PAPPA2: variants seen among roughly 807,000 people sequenced by gnomAD.
PAPPA2 encodes the protein pappalysin 2, also known as pappalysin-2.
PAPPA2 carries 86 observed loss-of-function variants against 176.4 expected under a neutral mutation model. The observed-to-expected ratio is 0.49, with a 90% confidence interval of 0.41 to 0.58. The LOEUF (loss-of-function observed/expected upper bound fraction) is 0.58, where lower values mean the gene tolerates loss of function less well. PAPPA2 is among the 20% of genes least tolerant of loss of function. The probability of loss-of-function intolerance (pLI) is 0.00; values close to 1 mark genes in which losing one functional copy is unlikely to be tolerated. For synonymous variants in PAPPA2, 809 were observed against 852.2 expected, an observed-to-expected ratio of 0.95 and a Z score of 0.88; for missense variants, 2,073 against 2,256.9, an observed-to-expected ratio of 0.92 and a Z score of 1.65.
chr1:176,570,265 G>A (rs1174360368), intron 2 of PAPPA2, among the ~76,000 whole-genome samples: 2 of 152,108 alleles, frequency 1.3e-5, no homozygotes, highest in Non-Finnish European at 2.9e-5. Context: ...CCGGCCCTTT[G>A]AAAATCTGGA....
At chr1:176,760,628 G>T (rs1396472014) in intron 14 of PAPPA2, among the ~76,000 whole-genome samples, 1 of 152,150 alleles carries the variant, frequency 6.6e-6, no homozygotes, top group East Asian at 1.9e-4. Context: ...ACTCTTAGAG[G>T]CTTCCCAAGT....
chr1:176,817,547 A>C (rs1666453153), intron 21 of PAPPA2, among the ~76,000 whole-genome samples: 1 of 152,162 alleles, frequency 6.6e-6, no homozygotes, highest in Admixed American at 6.6e-5. Context: ...TCCGTATTTC[A>C]AGAGAGAAAT....
chr1:176,733,814 T>C (rs1265441973), intron 12 of PAPPA2, among the ~76,000 whole-genome samples: 1 of 152,042 alleles, frequency 6.6e-6, no homozygotes, highest in Non-Finnish European at 1.5e-5. Context: ...GCAAGATCTG[T>C]GGAGGAGTGA....
intron 1 of PAPPA2, among the ~76,000 whole-genome samples, chr1:176,544,702 G>T (rs1650537738): frequency 6.6e-6 from 1 of 152,096 alleles, no homozygotes; most frequent in African/African-American, 2.4e-5. Context: ...AGTCCCACAA[G>T]ATTGCTCTCC....
intron 21 of PAPPA2, among the ~76,000 whole-genome samples, chr1:176,831,132 G>C (rs985722086): frequency 6.6e-6 from 1 of 152,176 alleles, no homozygotes; most frequent in Admixed American, 6.5e-5. Context: ...TGGTGCAGAA[G>C]GGTCAAGGAG....
intron 12 of PAPPA2, among the ~76,000 whole-genome samples, chr1:176,729,122 T>G (rs888369765): frequency 6.6e-6 from 1 of 152,052 alleles, no homozygotes; most frequent in African/African-American, 2.4e-5. Flanking sequence ...TTTATACTTT[T>G]GCCTGTCAAA....
intron 2 of PAPPA2, among the ~76,000 whole-genome samples, chr1:176,558,384 C>T (rs1461683456): frequency 6.6e-6 from 1 of 152,164 alleles, no homozygotes; most frequent in Non-Finnish European, 1.5e-5. Flanking sequence ...TGGATGCCTG[C>T]AAAGTTTCAG....
At chr1:176,765,012 G>A (rs1021897406) in intron 14 of PAPPA2, among the ~76,000 whole-genome samples, 4 of 152,216 alleles carry the variant, frequency 2.6e-5, no homozygotes, top group African/African-American at 9.7e-5. Context: ...GCATAAGTTA[G>A]GCATGGGACA....
intron 3 of PAPPA2, among the ~76,000 whole-genome samples, chr1:176,652,153 T>C (rs1657761256): frequency 6.6e-6 from 1 of 151,568 alleles, no homozygotes; most frequent in African/African-American, 2.4e-5. Context: ...ACTGGTTCTT[T>C]GTTTTGTTCA....
At chr1:176,743,016 C>G (rs1051128474) in intron 14 of PAPPA2, among the ~76,000 whole-genome samples, 3 of 152,062 alleles carry the variant, frequency 2.0e-5, no homozygotes, top group African/African-American at 7.2e-5. Context: ...CCTAAGTCAG[C>G]CTCTCCAGTG....
intron 21 of PAPPA2, among the ~76,000 whole-genome samples, chr1:176,810,344 C>A (rs1666095254): frequency 6.6e-6 from 1 of 152,088 alleles, no homozygotes; most frequent in South Asian, 2.1e-4. Flanking sequence ...GGGGTCCCAA[C>A]CTTTCTGGAA....
intron 8 of PAPPA2, among the ~76,000 whole-genome samples, chr1:176,702,041 A>G (rs1660672099): frequency 6.6e-6 from 1 of 152,104 alleles, no homozygotes; most frequent in Admixed American, 6.5e-5. Flanking sequence ...TGTTTAATGC[A>G]TTTCTAATTG....
chr1:176,638,939 C>CATGTGCGTGTGT (rs1553379103), intron 3 of PAPPA2, among the ~76,000 whole-genome samples: 1 of 143,030 alleles, frequency 7.0e-6, no homozygotes, highest in East Asian at 2.1e-4. Flanking sequence ...TGTGCATGTG[C>CATGTGCGTGTGT]GTGTGTGTGT....
intron 17 of PAPPA2, among the ~76,000 whole-genome samples, 196 bp from the exon 18 acceptor site, chr1:176,789,613 C>T (rs1008988982): frequency 6.6e-6 from 1 of 152,054 alleles, no homozygotes; most frequent in African/African-American, 2.4e-5. Context: ...TTTACTACTA[C>T]TTTGAATAAT....
At chr1:176,488,996 T>A (rs1652775393) in intron 1 of PAPPA2, among the ~76,000 whole-genome samples, 2 of 152,176 alleles carry the variant, frequency 1.3e-5, no homozygotes, top group South Asian at 4.1e-4. Flanking sequence ...CTCATCTGTA[T>A]AATAAGGTTG....
At chr1:176,527,131 C>T (rs1363313308) in intron 1 of PAPPA2, among the ~76,000 whole-genome samples, 1 of 152,062 alleles carries the variant, frequency 6.6e-6, no homozygotes, top group Non-Finnish European at 1.5e-5. Flanking sequence ...CTATTTAAAC[C>T]TAAAGAGTCT....
Position 176,610,806 on chromosome 1 carries a change from T to G in PAPPA2, c.1991+15211T>G, listed in dbSNP as rs181969105. On this transcript the variant is annotated intron_variant, in intron 3 of 22. Transcript: ENST00000367662. ...TTAAAAAGAGTCACAATGGCCTTTTTTGCATCTCATTCTATTTATTTATTC... is the reference window on the plus strand; with the variant it reads ...TTAAAAAGAGTCACAATGGCCTTTTGTGCATCTCATTCTATTTATTTATTC... Among the ~76,000 whole-genome samples the G allele has an allele frequency of 5.0e-3, 766 of 152,354 alleles. 4 individuals are homozygous for G. Among genetic ancestry groups the G allele is most frequent in the Non-Finnish European group, 8.5e-3 (581 of 68,030 alleles).
intron 19 of PAPPA2, among the ~76,000 whole-genome samples, chr1:176,792,197 A>G (rs1665207692): frequency 6.6e-6 from 1 of 152,216 alleles, no homozygotes; most frequent in Non-Finnish European, 1.5e-5. Context: ...AAGCAATTAC[A>G]ATTAAAGGTC....
At position 176,789,904 on chromosome 1, in the gene PAPPA2, G is replaced by T. The variant is rs1334177082; in HGVS notation, c.4811G>T (p.Gly1604Val). The change falls in exon 18 of 23, where the codon GGC becomes GTC. Residue 1604 changes from glycine to valine, a missense_variant. Transcript: ENST00000367662. The stretch of plus-strand genomic sequence containing the variant: ...GAGCCACCCCCTCCTGTGTTTGAAG[G>T]CATGTATGAATGTACCAATGGCTTC... ...VCEPPPPVFE[G>V]MYECTNGFSL... 2 of 1,614,190 alleles carry T rather than the reference G, an allele frequency of 1.2e-6. No homozygotes were observed. The highest frequency in any genetic ancestry group is 1.7e-6 in the Non-Finnish European group (2 of 1,180,016).
Sources: allele counts gnomAD v4.1 joint callset (sites outside exome capture counted in the v4.1 genomes callset), GRCh38; gene constraint gnomAD v4.1.1; transcripts MANE v1.5; gene names NCBI Gene and HGNC (gene_info 2026-07-23, HGNC 2026-07-21).